The following PCDHGB6 variants were observed in gnomAD, a reference collection of about 807,000 sequenced individuals.
PCDHGB6 encodes protocadherin gamma subfamily B, 6.
PCDHGB6 carries 51 observed loss-of-function variants against 59.1 expected under a neutral mutation model. The ratio of observed to expected loss-of-function variants is 0.86; its 90% CI spans 0.69 to 1.09. PCDHGB6 has a LOEUF of 1.09. Among genes scored for constraint, PCDHGB6 ranks in the 50% least tolerant of loss-of-function variants. The pLI is 0.00. For synonymous variants in PCDHGB6, 466 were observed against 495.1 expected, an observed-to-expected ratio of 0.94 and a Z score of 0.78; for missense variants, 1,148 against 1,205.1, an observed-to-expected ratio of 0.95 and a Z score of 0.70.
chr5:141,489,069 C>G lies in PCDHGB6; in HGVS notation c.2419-5738C>G. ...TCAAATTCAGCTCCCCTCCCCCCTGCCCACCCCCGCCACTCGGTGACTAAG... is the reference window on the plus strand; with the variant it reads ...TCAAATTCAGCTCCCCTCCCCCCTGGCCACCCCCGCCACTCGGTGACTAAG... On this transcript the variant is annotated intron_variant, in intron 1 of 3. Coordinates refer to ENST00000520790, the MANE Select transcript of PCDHGB6 (RefSeq NM_018926.3). The surrounding 1 kb of genome is among the most constrained non-coding windows in gnomAD (Gnocchi z 4.5). 6.4e-5 allele frequency: 18 copies of G among 281,056 alleles called. No homozygotes were observed. Among genetic ancestry groups the G allele is most frequent in the Middle Eastern group, 1.1e-3 (1 of 944 alleles). 17.4% of individuals were successfully genotyped at this position (281,056 alleles called of 1,614,324 possible).
intron 1 of PCDHGB6, among the ~76,000 whole-genome samples, chr5:141,462,117 C>G (rs965365318): frequency 6.6e-6 from 1 of 152,170 alleles, no homozygotes; most frequent in African/African-American, 2.4e-5. Flanking sequence ...GCCACTGCAC[C>G]CAGTCCAATT....
In PCDHGB6 at chr5:141,432,009, G is replaced by A. The variant is rs1227754190; in HGVS notation, c.2418+21389G>A. ...GTCTTGGATAGGGAACAGGTTCCTA[G>A]CTACAACATCACAGTGACCGCCACT... On this transcript the variant is annotated intron_variant, in intron 1 of 3. Coordinates refer to ENST00000520790, the MANE Select transcript of PCDHGB6 (RefSeq NM_018926.3). The surrounding 1 kb of genome is among the most constrained non-coding windows in gnomAD (Gnocchi z 6.0). The A allele has an allele frequency of 1.2e-6, 2 of 1,614,188 alleles. No homozygotes were observed. The highest frequency in any genetic ancestry group is 1.7e-6 in the Non-Finnish European group (2 of 1,180,024).
In PCDHGB6 at chr5:141,432,872, C is replaced by G; in HGVS notation, c.2418+22252C>G. 4 of 1,614,192 alleles carry G rather than the reference C, an allele frequency of 2.5e-6. No individual in the cohort carries two copies. The highest frequency in any genetic ancestry group is 3.4e-6 in the Non-Finnish European group (4 of 1,180,018). ...GGTGGCCGCGGTCTCCTGCGTCTTCCTGGCCTTCGTCATCTTGCTGCTGGC... is the reference window on the plus strand; with the variant it reads ...GGTGGCCGCGGTCTCCTGCGTCTTCGTGGCCTTCGTCATCTTGCTGCTGGC... On this transcript the variant is annotated intron_variant, in intron 1 of 3. Coordinates refer to ENST00000520790, the MANE Select transcript of PCDHGB6 (RefSeq NM_018926.3). The surrounding 1 kb of genome is among the most constrained non-coding windows in gnomAD (Gnocchi z 6.0).
At chr5:141,415,804 A>C in intron 1 of PCDHGB6, 1 of 1,366,960 alleles carries the variant, frequency 7.3e-7, no homozygotes, top group Non-Finnish European at 9.4e-7. Flanking sequence ...AGTCTCAATC[A>C]AGGCCTATAT....
intron 1 of PCDHGB6, chr5:141,421,067 T>G: frequency 1.4e-5 from 8 of 591,772 alleles, no homozygotes; most frequent in Non-Finnish European, 2.3e-5. Flanking sequence ...CAAAGCGGAA[T>G]GAGATGGATA....
At chr5:141,501,326 CACACA>C (rs2099807944) in intron 2 of PCDHGB6, among the ~76,000 whole-genome samples, 1 of 151,784 alleles carries the variant, frequency 6.6e-6, no homozygotes, top group Non-Finnish European at 1.5e-5. Flanking sequence ...CACACACACA[CACACA>C]CACCCCAAAC....
At chr5:141,478,050 CG>C in intron 1 of PCDHGB6, 1 of 1,614,184 alleles carries the variant, frequency 6.2e-7, no homozygotes, top group Non-Finnish European at 8.5e-7. Context: ...CAGACTCTCA[CG>C]GTCTTGATCA....
chr5:141,509,787 TCTC>T (rs2099878266), intron 3 of PCDHGB6, among the ~76,000 whole-genome samples: 1 of 152,132 alleles, frequency 6.6e-6, no homozygotes, highest in Non-Finnish European at 1.5e-5. Context: ...GAGATCATCA[TCTC>T]CTCAGCTTCA....
chr5:141,491,247 G>A lies in PCDHGB6; in HGVS notation c.2419-3560G>A, dbSNP rs1356752106. ...CAGTGCTGCTGGTTCTGGAGGATGA[G>A]GACCCTGAGGAAATGCCCAAATCCA... On this transcript the variant is annotated intron_variant, in intron 1 of 3. Coordinates refer to ENST00000520790, the MANE Select transcript of PCDHGB6 (RefSeq NM_018926.3). The surrounding 1 kb of genome is among the most constrained non-coding windows in gnomAD (Gnocchi z 6.9). The A allele has an allele frequency of 3.2e-5, 51 of 1,614,192 alleles. No individual in the cohort carries two copies. The highest frequency in any genetic ancestry group is 4.3e-5 in the Non-Finnish European group (51 of 1,180,018).
At position 141,431,667 on chromosome 5, in the gene PCDHGB6, C is replaced by T. The variant is rs759257105; in HGVS notation, c.2418+21047C>T. ...GATTGTAATTCAGGGACAATATCAA[C>T]AATAGGGGAGTTGGACCACGAGGAG... On this transcript the variant is annotated intron_variant, in intron 1 of 3. Coordinates refer to ENST00000520790, the MANE Select transcript of PCDHGB6 (RefSeq NM_018926.3). This position sits in a 1 kb window ranked among gnomAD's most constrained non-coding sequence, Gnocchi z 4.8. 1 of 1,614,226 alleles carries T rather than the reference C, an allele frequency of 6.2e-7. No individual in the cohort carries two copies. The highest frequency in any genetic ancestry group is 1.3e-5 in the African/African-American group (1 of 75,072).
In PCDHGB6 at chr5:141,490,801, A is replaced by G; in HGVS notation, c.2419-4006A>G. On this transcript the variant is annotated intron_variant, in intron 1 of 3. Transcript: ENST00000520790. The surrounding 1 kb of genome is among the most constrained non-coding windows in gnomAD (Gnocchi z 5.4). ...GGATGGACGGATCTTTGCCCAGCGT[A>G]CCTTTGACTATGAATTGCTGCAGAT... The G allele has an allele frequency of 6.2e-7, 1 of 1,613,854 alleles. No homozygotes were observed. Among genetic ancestry groups the G allele is most frequent in the African/African-American group, 1.3e-5 (1 of 75,042 alleles).
intron 2 of PCDHGB6, among the ~76,000 whole-genome samples, chr5:141,503,203 A>G (rs10477147): frequency 0.037 from 5,590 of 152,130 alleles, 132 homozygotes; most frequent in South Asian, 0.073. Flanking sequence ...TCAGCCTCTC[A>G]GTGCCCACCA....
Position 141,491,067 on chromosome 5 carries a change from G to A in PCDHGB6, c.2419-3740G>A, listed in dbSNP as rs752758445. On this transcript the variant is annotated intron_variant, in intron 1 of 3. Coordinates refer to ENST00000520790, the MANE Select transcript of PCDHGB6 (RefSeq NM_018926.3). This position sits in a 1 kb window ranked among gnomAD's most constrained non-coding sequence, Gnocchi z 6.9. ...ACAATGCGTGGCTCTCCTACTCACT[G>A]TTGCCACAGTCCACAGCCCCAGGAC... is the stretch of plus-strand genomic sequence containing the variant. 6.2e-7 allele frequency: 1 copy of A among 1,614,200 alleles called. No individual in the cohort carries two copies. Among genetic ancestry groups the A allele is most frequent in the East Asian group, 2.2e-5 (1 of 44,892 alleles).
rs1252377833 is a variant in PCDHGB6, at chr5:141,485,012, G to T, written c.2419-9795G>T. On this transcript the variant is annotated intron_variant, in intron 1 of 3. Coordinates refer to ENST00000520790, the MANE Select transcript of PCDHGB6 (RefSeq NM_018926.3). The surrounding 1 kb of genome is among the most constrained non-coding windows in gnomAD (Gnocchi z 5.7). Reference sequence around the variant, plus strand: ...GGTGAAAGGCAGACAAATCTACCCCGCCACCAGCAAAAACGGCGCGTAACC... The same window carrying T: ...GGTGAAAGGCAGACAAATCTACCCCTCCACCAGCAAAAACGGCGCGTAACC... The T allele has an allele frequency of 1.3e-5, 8 of 630,528 alleles. No individual in the cohort carries two copies. In the Admixed American group the frequency reaches 1.5e-4, roughly 12 times the overall value. 39.1% of individuals were successfully genotyped at this position (630,528 alleles called of 1,614,324 possible).
chr5:141,454,385 T>C (rs1168439343), intron 1 of PCDHGB6, among the ~76,000 whole-genome samples: 5 of 152,194 alleles, frequency 3.3e-5, no homozygotes, highest in Non-Finnish European at 7.4e-5. Flanking sequence ...CTTGTCAAGA[T>C]GAAGAAAAGG....
At chr5:141,509,573 C>G (rs372901649) in intron 3 of PCDHGB6, among the ~76,000 whole-genome samples, 4 of 152,164 alleles carry the variant, frequency 2.6e-5, no homozygotes, top group Admixed American at 2.6e-4. Context: ...CTTCACAGTG[C>G]GTACAAATCA....
rs1561722120 is a variant in PCDHGB6, at chr5:141,409,700, G to C, written c.1498G>C (p.Ala500Pro). 4 of 1,613,280 alleles carry C rather than the reference G, an allele frequency of 2.5e-6. No homozygotes were observed. The highest frequency in any genetic ancestry group is 3.4e-6 in the Non-Finnish European group (4 of 1,179,874). The change falls in exon 1 of 4, where the codon GCG (alanine) becomes CCG (proline). Residue 500 changes from alanine to proline, a missense_variant. Ala to Pro is a conservative substitution (Grantham distance 27). This residue lies in a region of PCDHGB6 where 549 missense variants were observed against 527.5 expected (regional missense o/e 1.04). Coordinates refer to ENST00000520790, the MANE Select transcript of PCDHGB6 (RefSeq NM_018926.3). ...AGTGGCGAGTGACCTAGAGCCCCTG[G>C]CGGTGTCGTCATACGTGTCAGTGAG... ...SIVASDLEPL[A>P]VSSYVSVSAQ...
chr5:141,460,981 GTGTATATATA>G (rs1332002052), intron 1 of PCDHGB6, among the ~76,000 whole-genome samples: 6 of 121,884 alleles, frequency 4.9e-5, no homozygotes, highest in Non-Finnish European at 1.0e-4. Flanking sequence ...GTGTGTGTGT[GTGTATATATA>G]TATATGTGTA....
chr5:141,479,211 A>G (rs2099490342), intron 1 of PCDHGB6: 1 of 152,422 alleles, frequency 6.6e-6, no homozygotes, highest in African/African-American at 2.4e-5. Context: ...AAGTATTTAA[A>G]AAATTAAAAC....
Sources: allele counts gnomAD v4.1 joint callset (sites outside exome capture counted in the v4.1 genomes callset), GRCh38; gene constraint gnomAD v4.1.1; regional missense constraint gnomAD v4.1.1; non-coding constraint Gnocchi (gnomAD v3.1); transcripts MANE v1.5; gene names NCBI Gene and HGNC (gene_info 2026-07-23, HGNC 2026-07-21).